Variants in ENOX1 observed in about 807,000 individuals in gnomAD.
ENOX1 encodes the protein candidate growth-related and time keeping constitutive hydroquinone (NADH) oxidase.
In ENOX1, 42 loss-of-function variants were observed where a neutral mutation model predicts 82.5. That is an observed-to-expected ratio of 0.51 (90% confidence interval 0.40 to 0.66). The LOEUF is 0.66. Among genes scored for constraint, ENOX1 ranks in the 30% least tolerant of loss-of-function variants. ENOX1 has a pLI of 0.00. For missense variants in ENOX1, 608 were observed against 811.6 expected (o/e 0.75, Z 3.05); for synonymous variants, 271 against 282.2 (o/e 0.96, Z 0.40).
chr13:43,413,699 T>TATATA (rs1566157177), intron 3 of ENOX1, among the ~76,000 whole-genome samples: 1 of 146,676 alleles, frequency 6.8e-6, no homozygotes, highest in Non-Finnish European at 1.5e-5. Flanking sequence ...ATATATATAT[T>TATATA]TTTATATATT....
chr13:43,551,259 G>T (rs1042616530), intron 2 of ENOX1, among the ~76,000 whole-genome samples: 2 of 152,112 alleles, frequency 1.3e-5, no homozygotes, highest in African/African-American at 4.8e-5. Context: ...AAGTTCAGGG[G>T]ATAATTTATT....
chr13:43,587,009 G>A (rs528998019), intron 2 of ENOX1, among the ~76,000 whole-genome samples: 255 of 151,562 alleles, frequency 1.7e-3, no homozygotes, highest in Non-Finnish European at 2.9e-3. Context: ...GGGAGTTGGA[G>A]GTTGCAGCAA....
chr13:43,489,025 T>C (rs1487268113), intron 2 of ENOX1, among the ~76,000 whole-genome samples: 1 of 152,128 alleles, frequency 6.6e-6, no homozygotes, highest in African/African-American at 2.4e-5. Context: ...TAAGTGCGTT[T>C]AGAAGAGAAA....
chr13:43,359,215 T>C (rs114955734), intron 7 of ENOX1, among the ~76,000 whole-genome samples: 109 of 152,338 alleles, frequency 7.2e-4, no homozygotes, highest in African/African-American at 2.6e-3. Flanking sequence ...TCTGAGAATG[T>C]GTCCTTCCAA....
At chr13:43,447,608 A>G (rs1450964471) in intron 3 of ENOX1, among the ~76,000 whole-genome samples, 2 of 151,946 alleles carry the variant, frequency 1.3e-5, no homozygotes, top group African/African-American at 4.8e-5. Context: ...TCACTCATTC[A>G]TATGCAAAAG....
chr13:43,601,407 A>G (rs888509758), intron 2 of ENOX1, among the ~76,000 whole-genome samples: 1 of 152,184 alleles, frequency 6.6e-6, no homozygotes, highest in South Asian at 2.1e-4. Context: ...TGAAGAATAC[A>G]TTATAGTCTC....
chr13:43,374,777 G>T (rs2051503131), intron 5 of ENOX1, among the ~76,000 whole-genome samples: 1 of 152,210 alleles, frequency 6.6e-6, no homozygotes, highest in Admixed American at 6.5e-5. Context: ...GAAAAAGGAA[G>T]TTGAGGTTTG....
At chr13:43,348,154 C>T (rs2049519334) in intron 8 of ENOX1, among the ~76,000 whole-genome samples, 1 of 152,180 alleles carries the variant, frequency 6.6e-6, no homozygotes, top group African/African-American at 2.4e-5. Flanking sequence ...GTTATTCTTC[C>T]CTCAAGATTC....
At chr13:43,736,802 T>A (rs771488716) in intron 1 of ENOX1, among the ~76,000 whole-genome samples, 1 of 151,912 alleles carries the variant, frequency 6.6e-6, no homozygotes, top group Non-Finnish European at 1.5e-5. Flanking sequence ...TGGGGCTGAG[T>A]TCTTACTGAA....
At chr13:43,707,444 A>G (rs1479621537) in intron 1 of ENOX1, among the ~76,000 whole-genome samples, 1 of 152,196 alleles carries the variant, frequency 6.6e-6, no homozygotes, top group African/African-American at 2.4e-5. Flanking sequence ...TATTAAAACA[A>G]TAAGAACAGG....
intron 2 of ENOX1, among the ~76,000 whole-genome samples, chr13:43,584,900 G>A (rs2080909272): frequency 2.0e-5 from 3 of 152,122 alleles, no homozygotes; most frequent in Non-Finnish European, 4.4e-5. Context: ...ATACCCAGCT[G>A]TCCCAGTTTG....
chr13:43,429,349 C>A (rs1482904689), intron 3 of ENOX1, among the ~76,000 whole-genome samples: 3 of 152,202 alleles, frequency 2.0e-5, no homozygotes, highest in Non-Finnish European at 4.4e-5. Flanking sequence ...AGCAAAAACT[C>A]TGTTAAGGAC....
intron 1 of ENOX1, among the ~76,000 whole-genome samples, chr13:43,768,050 C>G (rs1268159388): frequency 1.3e-5 from 2 of 152,192 alleles, no homozygotes; most frequent in Non-Finnish European, 2.9e-5. Context: ...TATTACATAA[C>G]TCCATTCCAG....
chr13:43,629,909 A>C (rs901785189), intron 2 of ENOX1, among the ~76,000 whole-genome samples: 11 of 152,292 alleles, frequency 7.2e-5, no homozygotes, highest in African/African-American at 2.6e-4. Flanking sequence ...TAGTTCATCT[A>C]ATTTGAAGGT....
At chr13:43,214,602 A>T (rs2041367276) in intron 16 of ENOX1, among the ~76,000 whole-genome samples, 1 of 152,176 alleles carries the variant, frequency 6.6e-6, no homozygotes, top group East Asian at 1.9e-4. Flanking sequence ...TTTCACATAG[A>T]CCAGAGACCA....
chr13:43,680,083 C>T (rs949990248), intron 1 of ENOX1, among the ~76,000 whole-genome samples: 2 of 152,162 alleles, frequency 1.3e-5, no homozygotes, highest in African/African-American at 4.8e-5. Flanking sequence ...TGCTTCACTA[C>T]CTTTTGTTCA....
At chr13:43,236,857 A>T (rs961083975) in intron 14 of ENOX1, 119 bp from the exon 15 acceptor site, 1 of 480,326 alleles carries the variant, frequency 2.1e-6, no homozygotes, top group Non-Finnish European at 3.5e-6. Flanking sequence ...TTATAACTAA[A>T]GATCAAATCT....
intron 3 of ENOX1, among the ~76,000 whole-genome samples, chr13:43,418,616 C>G (rs1448861272): frequency 2.6e-5 from 4 of 152,164 alleles, no homozygotes; most frequent in African/African-American, 9.7e-5. Flanking sequence ...GCCTATGCAA[C>G]TACAAAAACT....
chr13:43,273,137 C>G lies in ENOX1; in HGVS notation c.1447-3560G>C, dbSNP rs539833786. Among the ~76,000 whole-genome samples the G allele has an allele frequency of 3.1e-4, 47 of 152,316 alleles. 1 individual carries two copies. The highest frequency in any genetic ancestry group is 2.3e-3 in the East Asian group (12 of 5,180). ...GTTTACAACTGTGCCCATTAGCACA[C>G]CTACCCTTCCCACCCCAACCAGTCT... On this transcript the variant is annotated intron_variant, in intron 12 of 16. Transcript: ENST00000690772.
Sources: gnomAD v4.1 joint callset for allele counts (sites outside exome capture counted in the v4.1 genomes callset) on GRCh38, gnomAD v4.1.1 for gene constraint, MANE v1.5 for transcripts, NCBI Gene and HGNC (gene_info 2026-07-23, HGNC 2026-07-21) for gene names.